Variants in FOCAD observed in about 807,000 individuals in gnomAD.
FOCAD encodes focadhesin, also known as KIAA1797.
Under a neutral mutation model 225.6 loss-of-function variants are expected in FOCAD, and 198 were observed. The observed-to-expected ratio is 0.88, with a 90% CI of 0.78 to 0.99. The LOEUF (loss-of-function observed/expected upper bound fraction) is 0.99, where lower values mean the gene tolerates loss of function less well. FOCAD is among the 50% of genes least tolerant of loss of function. FOCAD has a pLI of 0.00. For synonymous variants in FOCAD, 897 were observed against 755.0 expected (o/e 1.19, Z -3.08); for missense variants, 2,713 against 2,123.6 (o/e 1.28, Z -5.46).
At chr9:20,680,008 G>A (rs1219462418), upstream of FOCAD, among the ~76,000 whole-genome samples, 1 of 152,200 alleles carries the variant, frequency 6.6e-6, no homozygotes, top group East Asian at 1.9e-4. Context: ...ACAAACATCT[G>A]CATCAGATGT....
intron 24 of FOCAD, among the ~76,000 whole-genome samples, chr9:20,918,129 G>A (rs927303743): frequency 2.6e-5 from 4 of 152,214 alleles, no homozygotes; most frequent in Non-Finnish European, 2.9e-5. Context: ...AATGCAGGCT[G>A]TCTTTGACCT....
chr9:20,702,958 G>T (rs953463338), intron 1 of FOCAD, among the ~76,000 whole-genome samples: 1 of 152,100 alleles, frequency 6.6e-6, no homozygotes, highest in Non-Finnish European at 1.5e-5. Context: ...TAAGAGCTGA[G>T]ATCGTGCCAC....
chr9:20,768,699 C>A (rs969882310), intron 7 of FOCAD, among the ~76,000 whole-genome samples: 1 of 152,136 alleles, frequency 6.6e-6, no homozygotes, highest in African/African-American at 2.4e-5. Context: ...ACCATGCAAC[C>A]TTGTTGACCA....
intron 2 of FOCAD, among the ~76,000 whole-genome samples, chr9:20,659,417 A>AAGG (rs1359144866): frequency 1.0e-4 from 15 of 149,232 alleles, no homozygotes; most frequent in African/African-American, 2.6e-4. Flanking sequence ...AAAAAAGAGA[A>AAGG]AGAAAGGAGA....
intron 11 of FOCAD, among the ~76,000 whole-genome samples, chr9:20,798,065 G>T (rs1335613570): frequency 6.6e-6 from 1 of 152,096 alleles, no homozygotes; most frequent in Non-Finnish European, 1.5e-5. Context: ...AAGCATTGTT[G>T]AATTTTGTCA....
Position 20,789,563 on chromosome 9 carries a change from A to G in FOCAD, c.1410A>G (p.Gln470=), listed in dbSNP as rs777494737. Residue 470 remains glutamine, a synonymous_variant, in exon 11 of 44, where the codon CAA becomes CAG. Coordinates refer to ENST00000338382, the MANE Select transcript of FOCAD (RefSeq NM_001375567.1). ...AAGACAAAGGACAAAATCTTCACCAAATACTCAAGGTCACTACAGAATTAG... is the reference window on the plus strand; with the variant it reads ...AAGACAAAGGACAAAATCTTCACCAGATACTCAAGGTCACTACAGAATTAG... ...LVEDKGQNLH[Q]ILKVTTELAQ... is the part of the protein sequence containing the mutation. 3.1e-6 allele frequency: 5 copies of G among 1,613,888 alleles called. No individual in the cohort carries two copies. In the Admixed American group the frequency reaches 5.0e-5, roughly 16 times the overall value.
intron 42 of FOCAD, among the ~76,000 whole-genome samples, chr9:20,990,615 AG>A (rs1841570123): frequency 6.6e-6 from 1 of 152,210 alleles, no homozygotes; most frequent in South Asian, 2.1e-4. Flanking sequence ...GTGGAGGAAA[AG>A]TCCATACTTC....
Position 20,874,565 on chromosome 9 carries a change from T to C in FOCAD, c.2191-116T>C, listed in dbSNP as rs747076509. ...TTAATTTCAGTGGTCTTTTATGTTA[T>C]AGAGTGATGGAGTCTAACAAAATTT... On this transcript the variant is annotated intron_variant, in intron 18 of 43. Transcript: ENST00000338382. The C allele has an allele frequency of 5.9e-5, 59 of 995,584 alleles. 1 individual carries two copies. The highest frequency in any genetic ancestry group is 2.2e-4 in the Middle Eastern group (1 of 4,470). 61.7% of individuals were successfully genotyped at this position (995,584 alleles called of 1,614,324 possible). A position where few individuals can be genotyped will look rare whatever the true frequency, so the allele number is the denominator to read the frequency against.
intron 35 of FOCAD, among the ~76,000 whole-genome samples, chr9:20,968,231 C>A (rs560463565): frequency 6.6e-6 from 1 of 152,116 alleles, no homozygotes; most frequent in East Asian, 1.9e-4. Context: ...ATTATCTAAT[C>A]TGTTGGCATA....
intron 28 of FOCAD, among the ~76,000 whole-genome samples, chr9:20,942,085 G>C (rs568219338): frequency 5.3e-4 from 80 of 152,184 alleles, no homozygotes; most frequent in African/African-American, 1.7e-3. Context: ...CTATTCAGAG[G>C]GGCAATAGAT....
chr9:20,929,287 G>C, intron 26 of FOCAD, 71 bp from the exon 27 acceptor site: 2 of 1,200,968 alleles, frequency 1.7e-6, no homozygotes, highest in Non-Finnish European at 2.4e-6. Context: ...TGGTTGTATA[G>C]TGCTTTTATG....
At chr9:20,776,447 G>GGATA (rs1818764479) in intron 8 of FOCAD, among the ~76,000 whole-genome samples, 1 of 152,076 alleles carries the variant, frequency 6.6e-6, no homozygotes, top group Non-Finnish European at 1.5e-5. Context: ...ACTATCCTTT[G>GGATA]GTGTCCATTA....
intron 4 of FOCAD, among the ~76,000 whole-genome samples, chr9:20,729,369 T>C (rs1826479302): frequency 1.3e-5 from 2 of 152,148 alleles, no homozygotes; most frequent in African/African-American, 4.8e-5. Flanking sequence ...TACCTGTATA[T>C]CTCTTTGTCT....
intron 35 of FOCAD, among the ~76,000 whole-genome samples, chr9:20,971,532 C>T (rs761450011): frequency 3.9e-5 from 6 of 151,900 alleles, no homozygotes; most frequent in African/African-American, 9.7e-5. Flanking sequence ...CTTCACCTCC[C>T]GGGTTCAAGC....
chr9:20,986,567 T>C, intron 40 of FOCAD, 102 bp downstream of exon 40: 4 of 1,107,854 alleles, frequency 3.6e-6, no homozygotes, highest in Non-Finnish European at 4.9e-6. Context: ...GTTTAGTGCT[T>C]ATTGACACAG....
At chr9:20,915,447 C>A (rs550979406) in intron 23 of FOCAD, among the ~76,000 whole-genome samples, 1 of 152,158 alleles carries the variant, frequency 6.6e-6, no homozygotes, top group South Asian at 2.1e-4. Flanking sequence ...AAGGAGCAAC[C>A]AACTGTGTCA....
intron 19 of FOCAD, chr9:20,875,674 C>T (rs948520117): frequency 6.6e-6 from 1 of 151,906 alleles, no homozygotes; most frequent in Admixed American, 6.6e-5. Flanking sequence ...TAGAAGTACT[C>T]ACTTGCCCCT....
At chr9:20,947,441 G>A (rs1222696636) in intron 30 of FOCAD, among the ~76,000 whole-genome samples, 1 of 152,160 alleles carries the variant, frequency 6.6e-6, no homozygotes, top group Non-Finnish European at 1.5e-5. Flanking sequence ...GCTGCGTAGA[G>A]TAGTCAAAAG....
intron 1 of FOCAD, among the ~76,000 whole-genome samples, chr9:20,711,612 C>A (rs1824858248): frequency 6.6e-6 from 1 of 152,072 alleles, no homozygotes; most frequent in Non-Finnish European, 1.5e-5. Context: ...AGAAGGAAGC[C>A]GATTTTGTGG....
Sources: gnomAD v4.1 joint callset for allele counts (sites outside exome capture counted in the v4.1 genomes callset) on GRCh38, gnomAD v4.1.1 for gene constraint, MANE v1.5 for transcripts, NCBI Gene and HGNC (gene_info 2026-07-23, HGNC 2026-07-21) for gene names.